The following ZNF704 variants were observed in gnomAD, a reference collection of about 807,000 sequenced individuals.
The protein encoded by ZNF704 is zinc finger protein 704.
In ZNF704, 10 loss-of-function variants were observed where a neutral mutation model predicts 44.7. The observed-to-expected ratio is 0.22, with a 90% CI of 0.14 to 0.38. ZNF704 has a LOEUF of 0.38. ZNF704 is among the 10% of genes least tolerant of loss of function. The pLI is 1.00. For missense variants in ZNF704, 390 were observed against 545.5 expected (o/e 0.71, Z 2.84); for synonymous variants, 211 against 207.6 (o/e 1.02, Z -0.14).
chr8:80,838,921 CAG>C (rs571261708), intron 1 of ZNF704, among the ~76,000 whole-genome samples: 272 of 152,266 alleles, frequency 1.8e-3, no homozygotes, highest in African/African-American at 6.1e-3. Context: ...TGGAGAGAAA[CAG>C]AAACAGAGGG....
At chr8:80,789,288 T>C (rs941633341) in intron 2 of ZNF704, among the ~76,000 whole-genome samples, 2 of 152,176 alleles carry the variant, frequency 1.3e-5, no homozygotes, top group Non-Finnish European at 2.9e-5. Flanking sequence ...ATAATTAGTA[T>C]GGTCTGGTGG....
intron 1 of ZNF704, among the ~76,000 whole-genome samples, chr8:80,838,588 G>A (rs1190120215): frequency 2.0e-5 from 3 of 150,978 alleles, no homozygotes; most frequent in Non-Finnish European, 4.4e-5. Flanking sequence ...AAAGGGGGGA[G>A]GAGGGGGAAG....
intron 2 of ZNF704, among the ~76,000 whole-genome samples, chr8:80,699,499 C>G (rs948398106): frequency 5.3e-5 from 8 of 152,064 alleles, no homozygotes; most frequent in Admixed American, 5.2e-4. Context: ...GTGAATACAT[C>G]ATAATACATA....
intron 1 of ZNF704, among the ~76,000 whole-genome samples, chr8:80,841,985 T>C (rs1177699647): frequency 1.3e-5 from 2 of 152,110 alleles, no homozygotes; most frequent in Non-Finnish European, 1.5e-5. Flanking sequence ...TTTCTAGCGA[T>C]TGGGTCTCCC....
At chr8:80,663,618 GA>G (rs1466340985) in intron 6 of ZNF704, among the ~76,000 whole-genome samples, 4 of 152,174 alleles carry the variant, frequency 2.6e-5, no homozygotes, top group Admixed American at 2.0e-4. Flanking sequence ...GGAACATTGA[GA>G]ACGACTACTC....
rs1328392659 is a variant in ZNF704 at position 80,635,514 on chromosome 8, C to T, written c.*5852G>A. ...AATTATTTTAAACACTACTGATCAC[C>T]TAAGAATTCTATCTTTGGGCCTGTC... On this transcript the variant is annotated 3_prime_UTR_variant, in exon 9 of 9. Transcript: ENST00000327835. 1 of 152,072 alleles carries T rather than the reference C, an allele frequency of 6.6e-6. No individual in the cohort carries two copies. Among genetic ancestry groups the T allele is most frequent in the Non-Finnish European group, 1.5e-5 (1 of 68,032 alleles). The allele number at this position is 152,072 out of a possible 1,614,324, so 9.4% of individuals were successfully genotyped here.
chr8:80,879,276 G>T (rs1310900164), upstream of ZNF704, among the ~76,000 whole-genome samples: 2 of 145,566 alleles, frequency 1.4e-5, no homozygotes, highest in African/African-American at 5.1e-5. Flanking sequence ...TCGCTCTGTT[G>T]CCCAGGCTGG....
At chr8:80,738,011 T>C (rs1022106085) in intron 2 of ZNF704, among the ~76,000 whole-genome samples, 5 of 152,212 alleles carry the variant, frequency 3.3e-5, no homozygotes, top group Non-Finnish European at 7.3e-5. Flanking sequence ...TTTCTTGACC[T>C]TGATAGTTTT....
intron 2 of ZNF704, among the ~76,000 whole-genome samples, chr8:80,759,227 C>T (rs938540909): frequency 6.6e-6 from 1 of 151,176 alleles, no homozygotes; most frequent in African/African-American, 2.4e-5. Flanking sequence ...GCTTTGTAGA[C>T]TTTTGATGGA....
chr8:80,690,285 C>T, intron 3 of ZNF704, among the ~76,000 whole-genome samples: 1 of 152,220 alleles, frequency 6.6e-6, no homozygotes, highest in East Asian at 1.9e-4. Flanking sequence ...TACAAAGGAA[C>T]ACTAAAAATG....
At chr8:80,878,253 A>AAGGAAGG (rs1809384006), upstream of ZNF704, among the ~76,000 whole-genome samples, 61 of 140,158 alleles carry the variant, frequency 4.4e-4, no homozygotes, top group Middle Eastern at 7.2e-3. Flanking sequence ...AAAGAGAAAG[A>AAGGAAGG]AAGGAAGGAA....
intron 2 of ZNF704, among the ~76,000 whole-genome samples, chr8:80,792,765 C>T (rs919532756): frequency 1.3e-5 from 2 of 152,212 alleles, no homozygotes; most frequent in African/African-American, 4.8e-5. Flanking sequence ...GAACTGAGGA[C>T]CTCAGTCCAA....
At chr8:80,709,122 C>G (rs143388917) in intron 2 of ZNF704, among the ~76,000 whole-genome samples, 1 of 152,076 alleles carries the variant, frequency 6.6e-6, no homozygotes, top group Non-Finnish European at 1.5e-5. Context: ...GAAATAAGCA[C>G]GTGCTTTCCT....
At chr8:80,794,035 T>C (rs1807757388) in intron 2 of ZNF704, among the ~76,000 whole-genome samples, 1 of 152,150 alleles carries the variant, frequency 6.6e-6, no homozygotes, top group South Asian at 2.1e-4. Flanking sequence ...ACAGGCATCA[T>C]TGTACAGACA....
At chr8:80,678,071 A>C (rs933800873) in intron 4 of ZNF704, among the ~76,000 whole-genome samples, 2 of 152,210 alleles carry the variant, frequency 1.3e-5, no homozygotes, top group Admixed American at 1.3e-4. Context: ...CTACACTGGT[A>C]GCTACCTGAG....
At chr8:80,777,113 A>AT (rs960540724) in intron 2 of ZNF704, among the ~76,000 whole-genome samples, 32 of 152,012 alleles carry the variant, frequency 2.1e-4, no homozygotes, top group South Asian at 6.2e-4. Context: ...GGGCAAAGTT[A>AT]TTTTTTTTAA....
Position 80,670,529 on chromosome 8 carries a change from C to G in ZNF704, c.633G>C (p.Gln211His). Residue 211 changes from glutamine to histidine, a missense_variant, in exon 5 of 9, where the codon CAG (glutamine) becomes CAC (histidine). Gln to His is a conservative substitution (Grantham distance 24). This residue lies in a region of ZNF704 where 305 missense variants were observed against 435.7 expected (regional missense o/e 0.70). Coordinates refer to ENST00000327835, the MANE Select transcript of ZNF704 (RefSeq NM_001033723.3). Reference sequence around the variant, plus strand: ...CCAGATGGATGGTTCGGATGTGTTTCTGGATACCTGCTGCAGTGCTCAGCA... The same window carrying G: ...CCAGATGGATGGTTCGGATGTGTTTGTGGATACCTGCTGCAGTGCTCAGCA... ...GKVLSTAAGI[Q>H]KHIRTIHLGR... The G allele has an allele frequency of 6.2e-7, 1 of 1,614,124 alleles. No individual in the cohort carries two copies. The highest frequency in any genetic ancestry group is 8.5e-7 in the Non-Finnish European group (1 of 1,180,008).
chr8:80,787,717 C>G (rs1206171202), intron 2 of ZNF704, among the ~76,000 whole-genome samples: 1 of 152,272 alleles, frequency 6.6e-6, no homozygotes, highest in Non-Finnish European at 1.5e-5. Flanking sequence ...TCCACTCTCC[C>G]TCCTTCCTAC....
intron 2 of ZNF704, among the ~76,000 whole-genome samples, chr8:80,731,567 T>A (rs565573770): frequency 1.3e-5 from 2 of 152,220 alleles, no homozygotes; most frequent in Non-Finnish European, 2.9e-5. Flanking sequence ...ATGAAAGATA[T>A]CTATATCATT....
Sources: gnomAD v4.1 joint callset for allele counts (sites outside exome capture counted in the v4.1 genomes callset) on GRCh38, gnomAD v4.1.1 for gene constraint, gnomAD v4.1.1 regional missense constraint, MANE v1.5 for transcripts, NCBI Gene and HGNC (gene_info 2026-07-23, HGNC 2026-07-21) for gene names.